The following TMEM132D variants were observed in gnomAD, a reference collection of about 807,000 sequenced individuals.
The protein encoded by TMEM132D is transmembrane protein 132D.
In TMEM132D, 21 loss-of-function variants were observed where a neutral mutation model predicts 62.3. The ratio of observed to expected loss-of-function variants is 0.34; its 90% CI spans 0.24 to 0.49. The LOEUF (loss-of-function observed/expected upper bound fraction) is 0.49. Ranked by LOEUF, TMEM132D falls within the 20% of genes least tolerant of loss-of-function variation. TMEM132D has a pLI of 0.99. For synonymous variants in TMEM132D, 621 were observed against 575.6 expected, an observed-to-expected ratio of 1.08 and a Z score of -1.13; for missense variants, 1,346 against 1,402.8, an observed-to-expected ratio of 0.96 and a Z score of 0.65.
At chr12:129,207,781 T>G (rs1393407252) in intron 5 of TMEM132D, among the ~76,000 whole-genome samples, 2 of 152,170 alleles carry the variant, frequency 1.3e-5, no homozygotes, top group Non-Finnish European at 2.9e-5. Flanking sequence ...AAAAAAGTAT[T>G]GATCCATAAT....
intron 5 of TMEM132D, among the ~76,000 whole-genome samples, chr12:129,185,769 G>GTCTATCTATCTATCTA (rs1271637169): frequency 3.9e-5 from 4 of 103,076 alleles, no homozygotes; most frequent in Non-Finnish European, 6.5e-5. Flanking sequence ...TCATCTGTCT[G>GTCTATCTATCTATCTA]TCTGTCTATC....
intron 3 of TMEM132D, among the ~76,000 whole-genome samples, chr12:129,417,514 C>G (rs2135709068): frequency 6.6e-6 from 1 of 152,316 alleles, no homozygotes; most frequent in Non-Finnish European, 1.5e-5. Flanking sequence ...AAAACTAACA[C>G]TGTACCCCTT....
chr12:129,319,187 C>T lies in TMEM132D; in HGVS notation c.1299+18447G>A, dbSNP rs147055255. Among the ~76,000 whole-genome samples, 491 of 152,304 alleles carry T rather than the reference C, an allele frequency of 3.2e-3. 4 individuals carry two copies. Among genetic ancestry groups the T allele is most frequent in the African/African-American group, 0.011 (451 of 41,576 alleles). On this transcript the variant is annotated intron_variant, in intron 4 of 8. Transcript: ENST00000422113. The stretch of plus-strand genomic sequence containing the variant: ...AATTCCTTCTCCATGTGGAGTTTTA[C>T]CCCCTGCTCCTCTGGCCACCCTCCC...
chr12:129,722,734 C>CTTTCT (rs1565962313), intron 1 of TMEM132D, among the ~76,000 whole-genome samples: 3 of 36,870 alleles, frequency 8.1e-5, no homozygotes, highest in Non-Finnish European at 7.8e-5. Flanking sequence ...GCTCCTTTTT[C>CTTTCT]TTTTTTTCTT....
At chr12:129,803,111 T>C (rs1871852786) in intron 1 of TMEM132D, among the ~76,000 whole-genome samples, 1 of 151,470 alleles carries the variant, frequency 6.6e-6, no homozygotes, top group African/African-American at 2.4e-5. Context: ...CACCCCACTG[T>C]CAACATTAGA....
intron 2 of TMEM132D, among the ~76,000 whole-genome samples, chr12:129,581,250 C>T (rs1367568047): frequency 1.3e-5 from 2 of 152,206 alleles, no homozygotes; most frequent in Non-Finnish European, 2.9e-5. Context: ...GAAGTCCTCA[C>T]CAGAAGCAGA....
chr12:129,742,802 T>G (rs905724086), intron 1 of TMEM132D, among the ~76,000 whole-genome samples: 1 of 152,166 alleles, frequency 6.6e-6, no homozygotes, highest in Non-Finnish European at 1.5e-5. Context: ...GCTCTGTTGA[T>G]TGGCTCCATC....
At chr12:129,501,222 C>G (rs565358085) in intron 3 of TMEM132D, among the ~76,000 whole-genome samples, 2 of 152,132 alleles carry the variant, frequency 1.3e-5, no homozygotes, top group Non-Finnish European at 1.5e-5. Context: ...GAAGGACTCA[C>G]GATCTATCCC....
chr12:129,233,201 C>T (rs1296559085), intron 4 of TMEM132D, among the ~76,000 whole-genome samples: 1 of 152,104 alleles, frequency 6.6e-6, no homozygotes, highest in East Asian at 1.9e-4. Context: ...TTTTAGACTA[C>T]AAGATATATG....
intron 2 of TMEM132D, among the ~76,000 whole-genome samples, chr12:129,551,662 C>T (rs1378725112): frequency 6.6e-6 from 1 of 152,146 alleles, no homozygotes; most frequent in Non-Finnish European, 1.5e-5. Context: ...GTGCCAGCTC[C>T]CACGATTCAT....
At chr12:129,185,548 T>A (rs1344277833) in intron 5 of TMEM132D, among the ~76,000 whole-genome samples, 1 of 151,634 alleles carries the variant, frequency 6.6e-6, no homozygotes, top group Non-Finnish European at 1.5e-5. Flanking sequence ...TTTATTATTT[T>A]ATTTTAATTT....
At chr12:129,899,357 T>C (rs1233293979) in intron 1 of TMEM132D, among the ~76,000 whole-genome samples, 2 of 142,660 alleles carry the variant, frequency 1.4e-5, no homozygotes, top group African/African-American at 5.4e-5. Flanking sequence ...GATGGAGGGA[T>C]GGATGGATGG....
intron 1 of TMEM132D, among the ~76,000 whole-genome samples, chr12:129,773,010 G>A (rs1241631583): frequency 6.6e-6 from 1 of 152,170 alleles, no homozygotes; most frequent in African/African-American, 2.4e-5. Context: ...CTGCAGAGCA[G>A]AAAATCATGA....
chr12:129,751,744 A>G (rs927888353), intron 1 of TMEM132D, among the ~76,000 whole-genome samples: 5 of 152,324 alleles, frequency 3.3e-5, no homozygotes, highest in South Asian at 4.1e-4. Context: ...ATGTCTGCAT[A>G]ACAAACTAGG....
At chr12:129,786,697 C>T (rs1593161179) in intron 1 of TMEM132D, among the ~76,000 whole-genome samples, 1 of 152,296 alleles carries the variant, frequency 6.6e-6, no homozygotes, top group Admixed American at 6.5e-5. Flanking sequence ...TCGAGATCAG[C>T]CTGGCCAACA....
At chr12:129,368,043 T>G (rs1870477386) in intron 3 of TMEM132D, among the ~76,000 whole-genome samples, 1 of 152,184 alleles carries the variant, frequency 6.6e-6, no homozygotes, top group Non-Finnish European at 1.5e-5. Context: ...TTCACCCACC[T>G]CAGCCTCTCA....
At chr12:129,466,694 C>T (rs1235540455) in intron 3 of TMEM132D, among the ~76,000 whole-genome samples, 1 of 152,190 alleles carries the variant, frequency 6.6e-6, no homozygotes, top group East Asian at 1.9e-4. Context: ...GGGAACAGCA[C>T]ACAGTCTTCT....
At chr12:129,655,582 G>A (rs945009054) in intron 2 of TMEM132D, among the ~76,000 whole-genome samples, 6 of 151,934 alleles carry the variant, frequency 3.9e-5, no homozygotes, top group Middle Eastern at 3.4e-3. Context: ...TCGTGGGGGC[G>A]TTGCAGGGGA....
intron 3 of TMEM132D, among the ~76,000 whole-genome samples, chr12:129,347,159 T>C (rs1260496611): frequency 1.3e-5 from 2 of 152,060 alleles, no homozygotes; most frequent in African/African-American, 2.4e-5. Context: ...TTCAATGCTA[T>C]CCCCATCAAG....
Sources: allele counts gnomAD v4.1 joint callset (sites outside exome capture counted in the v4.1 genomes callset), GRCh38; gene constraint gnomAD v4.1.1; transcripts MANE v1.5; gene names NCBI Gene and HGNC (gene_info 2026-07-23, HGNC 2026-07-21).